The following BTK variants were observed in gnomAD, a reference collection of about 807,000 sequenced individuals.
BTK encodes tyrosine-protein kinase BTK.
BTK carries 5 observed loss-of-function variants against 57.4 expected under a neutral mutation model. That is an observed-to-expected ratio of 0.09 (90% CI 0.05 to 0.18). BTK has a LOEUF of 0.18. BTK is among the 10% of genes least tolerant of loss of function. The pLI is 1.00. For synonymous variants in BTK, 154 were observed against 174.3 expected, an observed-to-expected ratio of 0.88 and a Z score of 0.92; for missense variants, 194 against 501.2, an observed-to-expected ratio of 0.39 and a Z score of 5.85.
chrX:101,388,460 G>C (rs1188687212), upstream of BTK, among the ~76,000 whole-genome samples: 1 of 112,169 alleles, frequency 8.9e-6, no homozygotes, highest in Non-Finnish European at 1.9e-5. Context: ...TATTCTTGGT[G>C]CTATCCTGTT....
At chrX:101,353,477 G>T (rs1181694850) in intron 17 of BTK, 126 bp from the exon 18 acceptor site, 3 of 754,112 alleles carry the variant, frequency 4.0e-6, no homozygotes, top group Non-Finnish European at 4.0e-6. Context: ...TTTATATTTT[G>T]CCCAAATTTC....
Position 101,370,097 on chromosome X carries a change from C to A in BTK, c.310-18G>T. The A allele has an allele frequency of 2.6e-6, 3 of 1,145,343 alleles. No individual in the cohort carries two copies. The highest frequency in any genetic ancestry group is 3.6e-6 in the Non-Finnish European group (3 of 835,226). 94.4% of individuals were successfully genotyped at this position (1,145,343 alleles called of 1,213,427 possible). ...TATACAACCTGGGTCGATGAAAACACAGACTTCAGCAGTTAGGATTCAGAA... is the reference window on the plus strand; with the variant it reads ...TATACAACCTGGGTCGATGAAAACAAAGACTTCAGCAGTTAGGATTCAGAA... On this transcript the variant is annotated intron_variant, in intron 4 of 18. Transcript: ENST00000308731.
intron 11 of BTK, 26 bp downstream of exon 11, chrX:101,358,591 C>T (rs1555978186): frequency 8.4e-7 from 1 of 1,196,243 alleles, no homozygotes; most frequent in Non-Finnish European, 1.1e-6. Flanking sequence ...TCTTTGTCCT[C>T]AGGGCCTTGG....
At chrX:101,357,982 A>G (rs1555978072) in intron 12 of BTK, among the ~76,000 whole-genome samples, 2 of 111,817 alleles carry the variant, frequency 1.8e-5, no homozygotes, top group African/African-American at 6.6e-5. Context: ...ACCTCGACTC[A>G]GAATGTTCCC....
upstream of BTK, chrX:101,386,267 T>C (rs1927606262): frequency 9.0e-6 from 1 of 111,402 alleles, no homozygotes; most frequent in African/African-American, 3.3e-5. Context: ...CTTTTTTTCT[T>C]CTCAGCAGCA....
In BTK at chrX:101,360,166, T is replaced by A. The variant is rs782318276; in HGVS notation, c.777-16A>T. On this transcript the variant is annotated splice_polypyrimidine_tract_variant and intron_variant, in intron 8 of 18. Coordinates refer to ENST00000308731, the MANE Select transcript of BTK (RefSeq NM_000061.3). ...GCCTTCCTGCCTGTGAAGGAAACAA[T>A]GTGGCAGTTCATCCAGCACCTCCCC... 2 of 1,178,722 alleles carry A rather than the reference T, an allele frequency of 1.7e-6. No individual in the cohort carries two copies. The highest frequency in any genetic ancestry group is 2.3e-6 in the Non-Finnish European group (2 of 867,126).
intron 9 of BTK, among the ~76,000 whole-genome samples, chrX:101,359,759 G>A (rs1328098586): frequency 9.2e-6 from 1 of 109,198 alleles, no homozygotes; most frequent in African/African-American, 3.3e-5. Context: ...AATGGAGGGT[G>A]TTTGGGGGGT....
Position 101,355,752 on chromosome X carries a change from G to A in BTK, c.1566+300C>T. 1.6e-5 allele frequency: 6 copies of A among 366,184 alleles called. No homozygotes were observed. The East Asian group carries it at 3.1e-4, about 19-fold the overall frequency. 30.2% of individuals were successfully genotyped at this position (366,184 alleles called of 1,213,427 possible). On this transcript the variant is annotated intron_variant, in intron 15 of 18. Transcript: ENST00000308731. The stretch of plus-strand genomic sequence containing the variant: ...AGGAGCAGTCCCATTGGGAAGCACA[G>A]TCCCTTCTGTTCCAAATCCAGAATG...
rs1344778847 is a variant in BTK at position 101,352,073 on chromosome X, G to T, written c.1908+1121C>A. Among the ~76,000 whole-genome samples the T allele has an allele frequency of 3.7e-5, 4 of 107,058 alleles. No individual in the cohort carries two copies. The Admixed American group carries it at 4.1e-4, about 11-fold the overall frequency. 93.0% of individuals were successfully genotyped at this position (107,058 alleles called of 115,157 possible). A position where few individuals can be genotyped will look rare whatever the true frequency, so the allele number is the denominator to read the frequency against. Reference sequence around the variant, plus strand: ...AGCTACTCGAGAGGCTGAGGCAGGAGAATGCTGTGAACCCAGGAGGCGGGG... The same window carrying T: ...AGCTACTCGAGAGGCTGAGGCAGGATAATGCTGTGAACCCAGGAGGCGGGG... On this transcript the variant is annotated intron_variant, in intron 18 of 18. Transcript: ENST00000308731.
chrX:101,353,787 C>T (rs1926375359), intron 17 of BTK, 83 bp downstream of exon 17: 1 of 794,979 alleles, frequency 1.3e-6, no homozygotes, highest in Non-Finnish European at 1.9e-6. Flanking sequence ...AACAATATCT[C>T]TGTGGAGGTT....
chrX:101,349,682 C>T lies in BTK; in HGVS notation c.*203G>A. The T allele has an allele frequency of 2.3e-6, 1 of 439,078 alleles. No homozygotes were observed. Among genetic ancestry groups the T allele is most frequent in the Non-Finnish European group, 4.0e-6 (1 of 248,657 alleles). 36.2% of individuals were successfully genotyped at this position (439,078 alleles called of 1,213,427 possible). On this transcript the variant is annotated 3_prime_UTR_variant, in exon 19 of 19. Coordinates refer to ENST00000308731, the MANE Select transcript of BTK (RefSeq NM_000061.3). ...CTTAATTCTCTCGGGAAATTTCAGG[C>T]ACAATAATTTCTTGGCCTTTGCTCA...
intron 3 of BTK, among the ~76,000 whole-genome samples, chrX:101,373,845 C>T (rs1927118725): frequency 9.1e-6 from 1 of 110,439 alleles, no homozygotes; most frequent in East Asian, 2.8e-4. Context: ...AGTTCAAGAC[C>T]AGCCTGGCCA....
intron 1 of BTK, among the ~76,000 whole-genome samples, chrX:101,379,185 A>AT (rs200543038): frequency 0.12 from 13,054 of 109,403 alleles, 791 homozygotes; most frequent in South Asian, 0.26. Context: ...AAAAATAAAA[A>AT]AAAAAAAGAA....
At chrX:101,362,422 G>T (rs781941803) in intron 6 of BTK, 139 bp downstream of exon 6, 515 of 1,023,967 alleles carry the variant, frequency 5.0e-4, no homozygotes, top group Non-Finnish European at 6.7e-4. Context: ...GCCCCCATGT[G>T]CCTCCTCCCT....
chrX:101,371,491 C>A (rs1157793202), intron 4 of BTK, 142 bp downstream of exon 4: 14 of 564,807 alleles, frequency 2.5e-5, no homozygotes, highest in South Asian at 7.1e-5. Flanking sequence ...CCATGCCAGT[C>A]TCATTTCTTG....
chrX:101,380,075 T>C (rs3027607), intron 1 of BTK, among the ~76,000 whole-genome samples: 13,479 of 111,173 alleles, frequency 0.12, 792 homozygotes, highest in South Asian at 0.27. Flanking sequence ...AGGGTTCTTA[T>C]TGCTTACTGT....
chrX:101,378,410 A>C (rs1207203613), intron 1 of BTK, among the ~76,000 whole-genome samples: 1 of 110,415 alleles, frequency 9.1e-6, no homozygotes, highest in Non-Finnish European at 1.9e-5. Context: ...TTTTTAAAAC[A>C]ATTTCAGTAG....
chrX:101,379,464 T>C (rs1371654724), intron 1 of BTK, among the ~76,000 whole-genome samples: 1 of 111,972 alleles, frequency 8.9e-6, no homozygotes, highest in Non-Finnish European at 1.9e-5. Flanking sequence ...ACAGGCATTT[T>C]ACAGGCATTA....
intron 3 of BTK, among the ~76,000 whole-genome samples, chrX:101,373,495 C>T (rs782597061): frequency 1.8e-5 from 2 of 111,684 alleles, no homozygotes; most frequent in Non-Finnish European, 3.8e-5. Flanking sequence ...TCCCACATAT[C>T]GTTACATTGA....
Sources: allele counts gnomAD v4.1 joint callset (sites outside exome capture counted in the v4.1 genomes callset), GRCh38; gene constraint gnomAD v4.1.1; transcripts MANE v1.5; gene names NCBI Gene and HGNC (gene_info 2026-07-23, HGNC 2026-07-21).